The following JMY variants were observed in gnomAD, a reference collection of about 807,000 sequenced individuals.
JMY encodes junction-mediating and -regulatory protein.
Under a neutral mutation model 103.3 loss-of-function variants are expected in JMY, and 46 were observed. That is an observed-to-expected ratio of 0.45 (90% CI 0.35 to 0.57). The LOEUF (loss-of-function observed/expected upper bound fraction) is 0.57, where lower values mean the gene tolerates loss of function less well. Ranked by LOEUF, JMY falls within the 20% of genes least tolerant of loss-of-function variation. The probability of loss-of-function intolerance (pLI) is 0.00; values close to 1 mark genes in which losing one functional copy is unlikely to be tolerated. For missense variants in JMY, 1,238 were observed against 1,255.2 expected, an observed-to-expected ratio of 0.99 and a Z score of 0.21; for synonymous variants, 526 against 489.3, an observed-to-expected ratio of 1.07 and a Z score of -0.99.
rs1561312593 is a variant in JMY at position 79,306,447 on chromosome 5, C to CACA, written c.1955_1957dup (p.His652_Thr653insAsn). 1.2e-6 allele frequency: 2 copies of CACA among 1,610,684 alleles called. No individual in the cohort carries two copies. Among genetic ancestry groups the CACA allele is most frequent in the Non-Finnish European group, 1.7e-6 (2 of 1,177,290 alleles). Reference sequence around the variant, plus strand: ...GATTGAAGATGAATATAGAACCCATCACACAGTACAACTAGTAAGTTTGGA... The same window carrying CACA: ...GATTGAAGATGAATATAGAACCCATCACAACACAGTACAACTAGTAAGTTTGGA... On this transcript the variant is annotated inframe_insertion, in exon 7 of 11. Coordinates refer to ENST00000396137, the MANE Select transcript of JMY (RefSeq NM_152405.5).
At chr5:79,289,743 G>A (rs1230225793) in intron 2 of JMY, among the ~76,000 whole-genome samples, 1 of 151,400 alleles carries the variant, frequency 6.6e-6, no homozygotes, top group African/African-American at 2.4e-5. Flanking sequence ...TTTATATAGT[G>A]GCTGTTAAGG....
intron 10 of JMY, 75 bp from the exon 11 acceptor site, chr5:79,321,531 T>C (rs1747449475): frequency 6.6e-6 from 1 of 152,196 alleles, no homozygotes; most frequent in South Asian, 2.1e-4. Context: ...TTTACACTTT[T>C]TGAGGGAACG....
Position 79,236,513 on chromosome 5 carries a change from G to T in JMY, c.-138G>T, listed in dbSNP as rs1391540326. ...GGGGCGCGGAGGGACAGGCGAACGA[G>T]CCGGGAGAGCCGGCCGGCGCACTAA... On this transcript the variant is annotated 5_prime_UTR_variant, in exon 1 of 11. Transcript: ENST00000396137. 1 of 587,064 alleles carries T rather than the reference G, an allele frequency of 1.7e-6. No homozygotes were observed. Among genetic ancestry groups the T allele is most frequent in the Non-Finnish European group, 2.6e-6 (1 of 384,100 alleles). The allele number at this position is 587,064 out of a possible 1,614,324, so 36.4% of individuals were successfully genotyped here.
intron 1 of JMY, among the ~76,000 whole-genome samples, chr5:79,272,949 A>C (rs1745827630): frequency 6.6e-6 from 1 of 152,212 alleles, no homozygotes; most frequent in African/African-American, 2.4e-5. Flanking sequence ...CTTATACTTA[A>C]GAACCCATAT....
rs1221065796 is a variant in JMY, at chr5:79,300,734, G to A, written c.1752G>A (p.Glu584=). 7 of 1,612,028 alleles carry A rather than the reference G, an allele frequency of 4.3e-6. No individual in the cohort carries two copies. The highest frequency in any genetic ancestry group is 5.9e-6 in the Non-Finnish European group (7 of 1,179,438). The change falls in exon 6 of 11, where the codon GAG becomes GAA. Residue 584 remains glutamate, a synonymous_variant. Coordinates refer to ENST00000396137, the MANE Select transcript of JMY (RefSeq NM_152405.5). ...ACGAAAGCATGGAGGCCATGCTGGA[G>A]AAGGAAGAGATGGCAGCATCTGCGT... ...DTYESMEAML[E]KEEMAASAYL...
intron 4 of JMY, among the ~76,000 whole-genome samples, chr5:79,295,787 T>C (rs1193154278): frequency 6.6e-6 from 1 of 152,170 alleles, no homozygotes; most frequent in Non-Finnish European, 1.5e-5. Flanking sequence ...GGAGATTGGT[T>C]TTTAGTTTTC....
intron 4 of JMY, among the ~76,000 whole-genome samples, chr5:79,294,047 A>G (rs1382805326): frequency 1.3e-5 from 2 of 152,232 alleles, no homozygotes; most frequent in African/African-American, 4.8e-5. Context: ...AATAAGGATT[A>G]ATGTTGAAAT....
chr5:79,241,197 T>A (rs1316192562), intron 1 of JMY, among the ~76,000 whole-genome samples: 1 of 152,212 alleles, frequency 6.6e-6, no homozygotes, highest in African/African-American at 2.4e-5. Flanking sequence ...GAACAGACTG[T>A]ACAACTAGAT....
At chr5:79,278,146 A>T in intron 2 of JMY, 63 bp downstream of exon 2, 1 of 1,245,736 alleles carries the variant, frequency 8.0e-7, no homozygotes. Flanking sequence ...CTGAAAGGCC[A>T]TGCGTTATCC....
chr5:79,297,569 A>T (rs1260230109), intron 4 of JMY, among the ~76,000 whole-genome samples: 1 of 152,204 alleles, frequency 6.6e-6, no homozygotes, highest in African/African-American at 2.4e-5. Context: ...CACATTGAAG[A>T]TTAGATAGAC....
At chr5:79,254,938 C>A (rs1297849584) in intron 1 of JMY, among the ~76,000 whole-genome samples, 1 of 151,584 alleles carries the variant, frequency 6.6e-6, no homozygotes, top group Non-Finnish European at 1.5e-5. Flanking sequence ...CTGATGCATT[C>A]ATTCTTCAAT....
At chr5:79,238,042 G>A (rs1178460993) in intron 1 of JMY, among the ~76,000 whole-genome samples, 1 of 152,158 alleles carries the variant, frequency 6.6e-6, no homozygotes, top group Non-Finnish European at 1.5e-5. Context: ...TAACTGCCCA[G>A]ATGTCAACTC....
intron 1 of JMY, 147 bp from the exon 2 acceptor site, chr5:79,277,763 T>C: frequency 1.8e-6 from 1 of 570,048 alleles, no homozygotes; most frequent in East Asian, 2.8e-5. Flanking sequence ...ATGGAGATAG[T>C]GATGAAAAGC....
intron 1 of JMY, among the ~76,000 whole-genome samples, chr5:79,257,317 C>CA (rs1169028569): frequency 2.0e-5 from 3 of 152,114 alleles, no homozygotes; most frequent in African/African-American, 7.2e-5. Flanking sequence ...TGTAAGAAAT[C>CA]AGAGGCTGGA....
intron 2 of JMY, among the ~76,000 whole-genome samples, chr5:79,281,252 G>A (rs1326827446): frequency 6.6e-6 from 1 of 151,480 alleles, no homozygotes; most frequent in Non-Finnish European, 1.5e-5. Flanking sequence ...CACTGTGTTG[G>A]CCAGGATGGT....
intron 1 of JMY, among the ~76,000 whole-genome samples, chr5:79,249,942 G>A (rs775072654): frequency 3.3e-5 from 5 of 152,068 alleles, no homozygotes; most frequent in South Asian, 4.2e-4. Flanking sequence ...CTTTCTGCCC[G>A]TGGTTCTTCA....
At chr5:79,261,253 G>A (rs1240137835) in intron 1 of JMY, among the ~76,000 whole-genome samples, 1 of 151,990 alleles carries the variant, frequency 6.6e-6, no homozygotes, top group Non-Finnish European at 1.5e-5. Context: ...TTTTACCATG[G>A]CAATGTAAAT....
intron 10 of JMY, among the ~76,000 whole-genome samples, 161 bp from the exon 11 acceptor site, chr5:79,321,445 T>C (rs1009620675): frequency 9.2e-5 from 14 of 152,206 alleles, no homozygotes; most frequent in African/African-American, 3.4e-4. Flanking sequence ...GTGATCAAAA[T>C]CTGTATTTAG....
At chr5:79,319,704 C>T (rs1561319069) in intron 10 of JMY, among the ~76,000 whole-genome samples, 1 of 151,958 alleles carries the variant, frequency 6.6e-6, no homozygotes. Context: ...CCTCAGCCTC[C>T]GGAGTAGCTG....
Sources: gnomAD v4.1 joint callset for allele counts (sites outside exome capture counted in the v4.1 genomes callset) on GRCh38, gnomAD v4.1.1 for gene constraint, MANE v1.5 for transcripts, NCBI Gene and HGNC (gene_info 2026-07-23, HGNC 2026-07-21) for gene names.